The following ADGB variants were observed in gnomAD, a reference collection of about 807,000 sequenced individuals.
The protein encoded by ADGB is androglobin.
In ADGB, 172 loss-of-function variants were observed where a neutral mutation model predicts 210.5. The ratio of observed to expected loss-of-function variants is 0.82; its 90% confidence interval spans 0.72 to 0.93. The LOEUF (loss-of-function observed/expected upper bound fraction) is 0.93, where lower values mean the gene tolerates loss of function less well. Ranked by LOEUF, ADGB falls within the 40% of genes least tolerant of loss-of-function variation. The probability of loss-of-function intolerance (pLI) is 0.00; values close to 1 mark genes in which losing one functional copy is unlikely to be tolerated. For missense variants in ADGB, 2,025 were observed against 1,964.8 expected, an observed-to-expected ratio of 1.03 and a Z score of -0.58; for synonymous variants, 658 against 662.7, an observed-to-expected ratio of 0.99 and a Z score of 0.11.
At chr6:146,665,933 TAA>T (rs1461299036) in intron 6 of ADGB, among the ~76,000 whole-genome samples, 1 of 152,120 alleles carries the variant, frequency 6.6e-6, no homozygotes, top group African/African-American at 2.4e-5. Context: ...AGTCACTTCA[TAA>T]ATTTGTCCAA....
chr6:146,715,783 A>T (rs1776724016), intron 14 of ADGB, among the ~76,000 whole-genome samples: 1 of 152,124 alleles, frequency 6.6e-6, no homozygotes, highest in African/African-American at 2.4e-5. Context: ...TAAGAATGCT[A>T]TGCCGGCCAG....
intron 3 of ADGB, among the ~76,000 whole-genome samples, chr6:146,649,621 G>T (rs118110751): frequency 0.014 from 2,059 of 151,558 alleles, 27 homozygotes; most frequent in Middle Eastern, 0.054. Flanking sequence ...CTCCCAAGTT[G>T]CTGGGACCAT....
In ADGB at chr6:146,759,004, C is replaced by A. The variant is rs1241345045; in HGVS notation, c.3551-4897C>A. Among the ~76,000 whole-genome samples, 3 of 151,948 alleles carry A rather than the reference C, an allele frequency of 2.0e-5. No individual in the cohort carries two copies. The East Asian group carries it at 5.8e-4, about 29-fold the overall frequency. On this transcript the variant is annotated intron_variant, in intron 27 of 35. Coordinates refer to ENST00000397944, the MANE Select transcript of ADGB (RefSeq NM_024694.4). ...GTGTCTATGTGTGATATAAAAGACA[C>A]TGAATTTAAAAATAAACACTTTTCC...
At position 146,764,007 on chromosome 6, in the gene ADGB, T is replaced by C; in HGVS notation, c.3657T>C (p.Ala1219=). Residue 1219 remains alanine (A), a synonymous_variant, in exon 28 of 36, where the codon GCT becomes GCC. Coordinates refer to ENST00000397944, the MANE Select transcript of ADGB (RefSeq NM_024694.4). ...QGIQKSPKGR[A]VSAIQDIGLP... ...TTCAGAAATCCCCCAAGGGTAGAGCTGTAAGTGCAATACAAGACATTGGTC... is the reference window on the plus strand; with the variant it reads ...TTCAGAAATCCCCCAAGGGTAGAGCCGTAAGTGCAATACAAGACATTGGTC... 1 of 1,551,524 alleles carries C rather than the reference T, an allele frequency of 6.4e-7. No individual in the cohort carries two copies. Among genetic ancestry groups the C allele is most frequent in the Non-Finnish European group, 8.7e-7 (1 of 1,146,886 alleles).
chr6:146,633,883 GT>G (rs11350692), intron 1 of ADGB, among the ~76,000 whole-genome samples: 56,095 of 151,696 alleles, frequency 0.37, 10,586 homozygotes, highest in Admixed American at 0.43. Context: ...GAAAGAAATT[GT>G]TTTTTACAAA....
intron 23 of ADGB, among the ~76,000 whole-genome samples, chr6:146,737,231 G>T (rs1777092626): frequency 6.6e-6 from 1 of 151,954 alleles, no homozygotes; most frequent in African/African-American, 2.4e-5. Context: ...AAAAGTTTGA[G>T]AATTTAATAA....
chr6:146,749,542 C>T (rs192343996), intron 26 of ADGB, among the ~76,000 whole-genome samples: 4 of 152,124 alleles, frequency 2.6e-5, no homozygotes, highest in Non-Finnish European at 4.4e-5. Flanking sequence ...CTGTCAAGTT[C>T]TCCTGAGAGG....
chr6:146,694,479 A>G (rs1405230457), intron 12 of ADGB, among the ~76,000 whole-genome samples: 1 of 152,048 alleles, frequency 6.6e-6, no homozygotes, highest in Non-Finnish European at 1.5e-5. Context: ...TCTTAATACC[A>G]TTATTTCAGG....
chr6:146,665,984 C>T (rs955798151), intron 6 of ADGB, among the ~76,000 whole-genome samples: 2 of 152,058 alleles, frequency 1.3e-5, no homozygotes, highest in Admixed American at 1.3e-4. Flanking sequence ...TCCCAATAGA[C>T]ACTTATTATC....
intron 1 of ADGB, among the ~76,000 whole-genome samples, chr6:146,607,398 C>T (rs1780647506): frequency 6.6e-6 from 1 of 151,974 alleles, no homozygotes; most frequent in Admixed American, 6.6e-5. Context: ...TTTTTCTTGC[C>T]TGATTGCTCT....
intron 26 of ADGB, among the ~76,000 whole-genome samples, 174 bp from the exon 27 acceptor site, chr6:146,752,356 G>A (rs537998281): frequency 6.2e-4 from 95 of 152,122 alleles, no homozygotes; most frequent in African/African-American, 2.0e-3. Context: ...TAAACTATTC[G>A]TGAGAAACCT....
chr6:146,745,829 A>G (rs1032857839), intron 25 of ADGB, 93 bp from the exon 26 acceptor site: 3 of 960,966 alleles, frequency 3.1e-6, no homozygotes, highest in South Asian at 2.4e-5. Flanking sequence ...TAGGTATATC[A>G]TAATAATAAG....
chr6:146,795,616 C>T (rs1583643048), intron 33 of ADGB, among the ~76,000 whole-genome samples: 2 of 152,286 alleles, frequency 1.3e-5, no homozygotes, highest in Non-Finnish European at 2.9e-5. Flanking sequence ...CATCTCACAC[C>T]AGCCAGAATG....
intron 1 of ADGB, among the ~76,000 whole-genome samples, chr6:146,611,814 C>T (rs767244228): frequency 2.7e-4 from 41 of 152,166 alleles, no homozygotes; most frequent in Non-Finnish European, 5.6e-4. Flanking sequence ...TTAGTTTGAG[C>T]CTGTACATGT....
chr6:146,692,687 A>G (rs976518512), intron 11 of ADGB, 138 bp from the exon 12 acceptor site: 1 of 471,990 alleles, frequency 2.1e-6, no homozygotes, highest in African/African-American at 2.0e-5. Flanking sequence ...GTATGGTTTT[A>G]CATTCCTATT....
chr6:146,659,027 T>C (rs1775820552), intron 5 of ADGB, among the ~76,000 whole-genome samples: 1 of 152,222 alleles, frequency 6.6e-6, no homozygotes, highest in African/African-American at 2.4e-5. Flanking sequence ...TTTTATTTCT[T>C]TCTACCTGAT....
In ADGB at chr6:146,598,993, C is replaced by G. The variant is rs544010246; in HGVS notation, c.-48C>G. ...ACGCAGACGCGGAGCCGAGCGCGCC[C>G]GCAGGCTCTTTGCTCAGAGCTCAGC... On this transcript the variant is annotated 5_prime_UTR_variant, in exon 1 of 36. Transcript: ENST00000397944. 2 of 1,510,554 alleles carry G rather than the reference C, an allele frequency of 1.3e-6. No homozygotes were observed. The highest frequency in any genetic ancestry group is 1.8e-6 in the Non-Finnish European group (2 of 1,110,440). 93.6% of individuals were successfully genotyped at this position (1,510,554 alleles called of 1,614,324 possible). A position where few individuals can be genotyped will look rare whatever the true frequency, so the allele number is the denominator to read the frequency against.
At chr6:146,737,139 G>A (rs1311440749) in intron 23 of ADGB, among the ~76,000 whole-genome samples, 3 of 151,208 alleles carry the variant, frequency 2.0e-5, no homozygotes, top group African/African-American at 7.3e-5. Context: ...AGATTTCAGA[G>A]GTGGCAGAAA....
At chr6:146,640,895 A>G (rs552055788) in intron 2 of ADGB, among the ~76,000 whole-genome samples, 77 of 152,086 alleles carry the variant, frequency 5.1e-4, no homozygotes, top group African/African-American at 1.7e-3. Context: ...TTAACATAGT[A>G]TTGGAAGTCC....
Sources: allele counts gnomAD v4.1 joint callset (sites outside exome capture counted in the v4.1 genomes callset), GRCh38; gene constraint gnomAD v4.1.1; transcripts MANE v1.5; gene names NCBI Gene and HGNC (gene_info 2026-07-23, HGNC 2026-07-21).